PRAG1: variants seen among roughly 807,000 people sequenced by gnomAD.
The protein encoded by PRAG1 is inactive tyrosine-protein kinase PRAG1.
In PRAG1, 110 loss-of-function variants were observed where a neutral mutation model predicts 95.6. The observed-to-expected ratio is 1.15, with a 90% CI of 0.99 to 1.35. PRAG1 has a LOEUF of 1.35. PRAG1 is among the 40% of genes most tolerant of loss of function. The probability of loss-of-function intolerance (pLI) is 0.00; values close to 1 mark genes in which losing one functional copy is unlikely to be tolerated. For missense variants in PRAG1, 2,554 were observed against 1,864.7 expected (o/e 1.37, Z -6.81); for synonymous variants, 1,052 against 819.4 (o/e 1.28, Z -4.85).
chr8:8,323,187 T>C (rs770023292), intron 5 of PRAG1, among the ~76,000 whole-genome samples: 5 of 152,192 alleles, frequency 3.3e-5, no homozygotes, highest in Non-Finnish European at 7.3e-5. Flanking sequence ...GGTTTGGCTG[T>C]GTCCCCAAAC....
chr8:8,339,767 A>AG, intron 3 of PRAG1, 132 bp from the exon 4 acceptor site: 1 of 859,534 alleles, frequency 1.2e-6, no homozygotes, highest in Non-Finnish European at 1.7e-6. Flanking sequence ...AGAAAAAAAA[A>AG]AGATTTTGGG....
At chr8:8,364,949 G>A (rs1417637367) in intron 3 of PRAG1, among the ~76,000 whole-genome samples, 3 of 152,068 alleles carry the variant, frequency 2.0e-5, no homozygotes, top group Non-Finnish European at 2.9e-5. Context: ...GAAATTGTCT[G>A]TACAGACAAT....
chr8:8,327,625 T>C, intron 5 of PRAG1, 85 bp downstream of exon 5: 2 of 1,442,162 alleles, frequency 1.4e-6, no homozygotes, highest in Non-Finnish European at 1.9e-6. Context: ...CCCAGACAGG[T>C]GAAATGACTT....
intron 4 of PRAG1, among the ~76,000 whole-genome samples, chr8:8,338,607 G>A (rs1799067351): frequency 6.6e-6 from 1 of 152,126 alleles, no homozygotes; most frequent in Non-Finnish European, 1.5e-5. Context: ...AACTGTCAGA[G>A]GTTTCTCATC....
chr8:8,378,020 AC>A lies in PRAG1; in HGVS notation c.388del (p.Val130SerfsTer51). 6.3e-7 allele frequency: 1 copy of A among 1,581,682 alleles called. No individual in the cohort carries two copies. The highest frequency in any genetic ancestry group is 8.6e-7 in the Non-Finnish European group (1 of 1,162,450). On this transcript the variant is annotated frameshift_variant, in exon 3 of 6. Transcript: ENST00000615670. LOFTEE classifies it high-confidence loss of function. ...LPLPKQEDAP[V>X]VYLGSFRGVQ... is the part of the protein sequence containing the mutation. ...ACCTCGGAAGCTGCCCAGGTAGACG[AC>A]GGGGGCATCCTCCTGCTTCGGGAGG... is the stretch of plus-strand genomic sequence containing the variant.
intron 2 of PRAG1, among the ~76,000 whole-genome samples, chr8:8,379,060 G>A (rs1008182155): frequency 6.6e-6 from 1 of 151,614 alleles, no homozygotes; most frequent in Non-Finnish European, 1.5e-5. Context: ...ATCAGAGTGA[G>A]GGGTGGTTTC....
chr8:8,318,116 C>G lies in PRAG1; in HGVS notation c.*38G>C, dbSNP rs774831163. The G allele has an allele frequency of 6.4e-7, 1 of 1,569,910 alleles. No individual in the cohort carries two copies. Among genetic ancestry groups the G allele is most frequent in the Non-Finnish European group, 8.6e-7 (1 of 1,157,984 alleles). On this transcript the variant is annotated 3_prime_UTR_variant, in exon 6 of 6. Transcript: ENST00000615670. The surrounding 1 kb of genome is among the most constrained non-coding windows in gnomAD (Gnocchi z 4.2). ...CAAGGCGAGACAGGAAAGGGTTAGG[C>G]AGGGAAGGGGCAGCGACGGTGCAGG...
Position 8,376,509 on chromosome 8 carries a change from T to G in PRAG1, c.1900A>C (p.Ser634Arg). 6.2e-7 allele frequency: 1 copy of G among 1,610,610 alleles called. No individual in the cohort carries two copies. The highest frequency in any genetic ancestry group is 8.5e-7 in the Non-Finnish European group (1 of 1,177,666). ...RRPRFQAGTW[S>R]RQCRIEEEEE... The stretch of plus-strand genomic sequence containing the variant: ...TCTTCCTCTATCCGGCACTGACGAC[T>G]CCAGGTGCCTGCCTGGAACCTGGGC... The change falls in exon 3 of 6, where the codon AGT becomes CGT. Residue 634 changes from serine (S) to arginine (R), a missense_variant. Coordinates refer to ENST00000615670, the MANE Select transcript of PRAG1 (RefSeq NM_001080826.3).
At position 8,328,170 on chromosome 8, in the gene PRAG1, C is replaced by T. The variant is rs778712638; in HGVS notation, c.2612G>A (p.Arg871His). 1.2e-5 allele frequency: 20 copies of T among 1,614,180 alleles called. No homozygotes were observed. The Admixed American group carries it at 1.7e-4, about 13-fold the overall frequency. Reference sequence around the variant, plus strand: ...GGAAGAGGAGAAGACAGGATGGTGGCGGTTCCCGGGGCTCAACGAATAGCT... The same window carrying T: ...GGAAGAGGAGAAGACAGGATGGTGGTGGTTCCCGGGGCTCAACGAATAGCT... ...HFSYSLSPGN[R>H]HHPVFSSSDP... The change falls in exon 5 of 6, where the codon CGC becomes CAC. Residue 871 changes from arginine to histidine, a missense_variant. Arg to His is a conservative substitution (Grantham distance 29). Coordinates refer to ENST00000615670, the MANE Select transcript of PRAG1 (RefSeq NM_001080826.3).
At chr8:8,358,807 CT>C (rs1799760857) in intron 3 of PRAG1, among the ~76,000 whole-genome samples, 1 of 152,204 alleles carries the variant, frequency 6.6e-6, no homozygotes, top group Non-Finnish European at 1.5e-5. Context: ...GGAGCTGGAC[CT>C]CACAGTCTAA....
At position 8,318,395 on chromosome 8, in the gene PRAG1, C is replaced by T. The variant is rs1212906176; in HGVS notation, c.3980G>A (p.Cys1327Tyr). The change falls in exon 6 of 6, where the codon TGC (cysteine) becomes TAC (tyrosine). Residue 1327 changes from cysteine (C) to tyrosine (Y), a missense_variant. Physicochemically the swap from Cys to Tyr is radical, Grantham distance 194 (BLOSUM62 -2). Coordinates refer to ENST00000615670, the MANE Select transcript of PRAG1 (RefSeq NM_001080826.3). This position sits in a 1 kb window ranked among gnomAD's most constrained non-coding sequence, Gnocchi z 4.2. ...CTCGCGCCGAGGCCCCCACAGCAGGCACTGCAGCACGCGCTTGGCCTCGCC... is the reference window on the plus strand; with the variant it reads ...CTCGCGCCGAGGCCCCCACAGCAGGTACTGCAGCACGCGCTTGGCCTCGCC... Reference protein sequence around the residue: ...RIGEAKRVLQCLLWGPRRELV... With the variant: ...RIGEAKRVLQYLLWGPRRELV... 24 of 1,613,312 alleles carry T rather than the reference C, an allele frequency of 1.5e-5. No homozygotes were observed. Among genetic ancestry groups the T allele is most frequent in the African/African-American group, 4.0e-5 (3 of 74,940 alleles).
At position 8,328,400 on chromosome 8, in the gene PRAG1, A is replaced by C. The variant is rs910417479; in HGVS notation, c.2382T>G (p.Val794=). 5.3e-5 allele frequency: 86 copies of C among 1,613,620 alleles called. No individual in the cohort carries two copies. The highest frequency in any genetic ancestry group is 7.3e-5 in the Non-Finnish European group (86 of 1,180,020). The part of the protein sequence containing the change: ...TNSGKKLFAP[V]PFPSGSTEDV... ...CCTCAGTGGAGCCTGAAGGAAACGGAACGGGAGCAAAGAGCTTCTTCCCGC... is the reference window on the plus strand; with the variant it reads ...CCTCAGTGGAGCCTGAAGGAAACGGCACGGGAGCAAAGAGCTTCTTCCCGC... Residue 794 remains valine, a synonymous_variant, in exon 5 of 6, where the codon GTT becomes GTG. Transcript: ENST00000615670.
At position 8,383,442 on chromosome 8, in the gene PRAG1, G is replaced by A. The variant is rs1295733431; in HGVS notation, c.-87-1608C>T. ...AATTATTTAAAAAAACTATCCAGGT[G>A]TAGCCATGCATGCCTGTGGTCCCAG... On this transcript the variant is annotated intron_variant, in intron 1 of 5. Transcript: ENST00000615670. 4.6e-5 allele frequency among the ~76,000 whole-genome samples: 7 copies of A among 152,164 alleles called. No individual in the cohort carries two copies. The East Asian group carries it at 1.2e-3, about 25-fold the overall frequency.
At chr8:8,367,798 T>C (rs953481433) in intron 3 of PRAG1, among the ~76,000 whole-genome samples, 1 of 152,024 alleles carries the variant, frequency 6.6e-6, no homozygotes, top group Non-Finnish European at 1.5e-5. Flanking sequence ...CGTGCCACCA[T>C]GCCCAGCTAA....
intron 4 of PRAG1, among the ~76,000 whole-genome samples, chr8:8,338,204 C>T (rs1289797257): frequency 1.3e-5 from 2 of 152,242 alleles, no homozygotes; most frequent in Non-Finnish European, 2.9e-5. Flanking sequence ...CCCATCCACC[C>T]ATGTACCATG....
In PRAG1 at chr8:8,377,328, G is replaced by C. The variant is rs1800446591; in HGVS notation, c.1081C>G (p.Leu361Val). Residue 361 changes from leucine (L) to valine (V), a missense_variant, in exon 3 of 6, where the codon CTC becomes GTC. Transcript: ENST00000615670. ...ATGAGGGAGCAGTAATCACTCTCGA[G>C]GTGGGGGACGAAGGGGCTACTGGCG... ...SGASSPFVPH[L>V]ESDYCSLMKE... 1.2e-6 allele frequency: 2 copies of C among 1,609,034 alleles called. No homozygotes were observed. Among genetic ancestry groups the C allele is most frequent in the South Asian group, 1.1e-5 (1 of 90,578 alleles).
At chr8:8,362,984 C>A (rs1292069732) in intron 3 of PRAG1, among the ~76,000 whole-genome samples, 5 of 151,846 alleles carry the variant, frequency 3.3e-5, no homozygotes, top group Non-Finnish European at 7.4e-5. Context: ...CTGGGACATG[C>A]CTGGGCATGC....
At chr8:8,358,231 A>G (rs1335056491) in intron 3 of PRAG1, among the ~76,000 whole-genome samples, 1 of 152,240 alleles carries the variant, frequency 6.6e-6, no homozygotes, top group Non-Finnish European at 1.5e-5. Flanking sequence ...CAAAGGATAC[A>G]GAAGAAGAGA....
chr8:8,347,875 G>A (rs757988402), intron 3 of PRAG1, among the ~76,000 whole-genome samples: 5 of 144,964 alleles, frequency 3.4e-5, no homozygotes, highest in Non-Finnish European at 5.9e-5. Context: ...GGAGTGCAGC[G>A]GCATGATCTC....
Sources: allele counts gnomAD v4.1 joint callset (sites outside exome capture counted in the v4.1 genomes callset), GRCh38; gene constraint gnomAD v4.1.1; non-coding constraint Gnocchi (gnomAD v3.1); transcripts MANE v1.5; gene names NCBI Gene and HGNC (gene_info 2026-07-23, HGNC 2026-07-21).